PRKCH: variants seen among roughly 807,000 people sequenced by gnomAD.
PRKCH encodes protein kinase C eta type.
In PRKCH, 28 loss-of-function variants were observed where a neutral mutation model predicts 82.5. The observed-to-expected ratio is 0.34, with a 90% CI of 0.25 to 0.47. PRKCH has a LOEUF of 0.47. PRKCH is among the 20% of genes least tolerant of loss of function. The pLI is 1.00. For synonymous variants in PRKCH, 322 were observed against 327.4 expected (o/e 0.98, Z 0.18); for missense variants, 705 against 881.8 (o/e 0.80, Z 2.54).
At chr14:61,229,281 T>A (rs1292135185) in intron 1 of PRKCH, among the ~76,000 whole-genome samples, 5 of 152,110 alleles carry the variant, frequency 3.3e-5, no homozygotes, top group Admixed American at 3.3e-4. Context: ...TCATTGAGGG[T>A]TGGTGGGCAG....
intron 2 of PRKCH, among the ~76,000 whole-genome samples, chr14:61,398,446 T>TA (rs372268308): frequency 1.3e-3 from 201 of 152,344 alleles, no homozygotes; most frequent in African/African-American, 4.4e-3. Context: ...GCTGGATTAT[T>TA]ATGCTACTAA....
At chr14:61,414,588 C>CT (rs1159456993) in intron 2 of PRKCH, among the ~76,000 whole-genome samples, 14,953 of 128,276 alleles carry the variant, frequency 0.12, 954 homozygotes, top group African/African-American at 0.16. Context: ...TTCATTTATT[C>CT]TTTTTTTTTT....
rs3783810 is a variant in PRKCH, at chr14:61,350,971, G to A, written c.363+28507G>A. On this transcript the variant is annotated intron_variant, in intron 1 of 13. Coordinates refer to ENST00000332981, the MANE Select transcript of PRKCH (RefSeq NM_006255.5). Reference sequence around the variant, plus strand: ...CCTCAATCAAGGAAACAAGTAGTTCGGCTGCTTCCTCTTTATGGCATCCTT... The same window carrying A: ...CCTCAATCAAGGAAACAAGTAGTTCAGCTGCTTCCTCTTTATGGCATCCTT... Among the ~76,000 whole-genome samples the A allele has an allele frequency of 4.4e-4, 67 of 152,200 alleles. No homozygotes were observed. The East Asian group carries it at 0.012, about 26-fold the overall frequency.
chr14:61,246,560 T>G (rs10130073), intron 1 of PRKCH, among the ~76,000 whole-genome samples: 6,360 of 152,128 alleles, frequency 0.042, 419 homozygotes, highest in African/African-American at 0.14. Flanking sequence ...CACAGAACCA[T>G]CAGATTATTC....
intron 10 of PRKCH, among the ~76,000 whole-genome samples, chr14:61,525,418 A>G (rs1386843383): frequency 6.6e-6 from 1 of 152,166 alleles, no homozygotes; most frequent in Non-Finnish European, 1.5e-5. Context: ...AATCAGGATT[A>G]AGGTGTCTAA....
intron 1 of PRKCH, among the ~76,000 whole-genome samples, chr14:61,245,950 G>T (rs1017914267): frequency 6.6e-6 from 1 of 152,174 alleles, no homozygotes; most frequent in African/African-American, 2.4e-5. Context: ...AAACATTAGT[G>T]GTCGCTGGTC....
At chr14:61,349,125 A>G (rs994450386) in intron 1 of PRKCH, among the ~76,000 whole-genome samples, 3 of 152,174 alleles carry the variant, frequency 2.0e-5, no homozygotes, top group Admixed American at 6.5e-5. Context: ...TCCAGGGTTC[A>G]TGTGTTTATC....
In PRKCH at chr14:61,539,418, T is replaced by C. The variant is rs561891603; in HGVS notation, c.1762-8325T>C. ...TAGAGGAACAGTATAGGGCATTTAG[T>C]GTACTGAGTTTCATCGAGAGAAAAT... On this transcript the variant is annotated intron_variant, in intron 12 of 13. Coordinates refer to ENST00000332981, the MANE Select transcript of PRKCH (RefSeq NM_006255.5). Among the ~76,000 whole-genome samples, 9 of 152,274 alleles carry C rather than the reference T, an allele frequency of 5.9e-5. No homozygotes were observed. The South Asian group carries it at 1.9e-3, about 32-fold the overall frequency.
At chr14:61,240,078 C>A (rs1183287756) in intron 1 of PRKCH, among the ~76,000 whole-genome samples, 1 of 152,212 alleles carries the variant, frequency 6.6e-6, no homozygotes, top group Non-Finnish European at 1.5e-5. Flanking sequence ...TGCAACACAG[C>A]TACTGCCTCA....
chr14:61,371,303 A>G (rs1413676660), intron 1 of PRKCH, among the ~76,000 whole-genome samples: 2 of 152,058 alleles, frequency 1.3e-5, no homozygotes, highest in Non-Finnish European at 2.9e-5. Context: ...ATGAATCAAT[A>G]ATGATACATT....
chr14:61,443,051 C>T (rs1380921260), intron 2 of PRKCH, 60 bp from the exon 3 acceptor site: 2 of 1,496,518 alleles, frequency 1.3e-6, no homozygotes, highest in Non-Finnish European at 1.8e-6. Context: ...ACTTTCTCAT[C>T]TATTAGGTGC....
chr14:61,526,338 T>C (rs1451421038), intron 10 of PRKCH, among the ~76,000 whole-genome samples: 1 of 152,228 alleles, frequency 6.6e-6, no homozygotes, highest in Non-Finnish European at 1.5e-5. Flanking sequence ...GTACTCAGCA[T>C]GCCTTTGCCT....
intron 10 of PRKCH, among the ~76,000 whole-genome samples, chr14:61,486,658 GTTTTA>G (rs1344089241): frequency 2.0e-5 from 3 of 148,816 alleles, no homozygotes; most frequent in African/African-American, 7.5e-5. Context: ...CTTTTTTATT[GTTTTA>G]TTTCTTTTCT....
chr14:61,256,986 GA>G (rs2045003146), intron 1 of PRKCH, among the ~76,000 whole-genome samples: 1 of 152,186 alleles, frequency 6.6e-6, no homozygotes, highest in Admixed American at 6.5e-5. Context: ...TCTTTATGGA[GA>G]AAATGGTCCA....
At chr14:61,352,744 T>A (rs1325733646) in intron 1 of PRKCH, among the ~76,000 whole-genome samples, 6 of 114,544 alleles carry the variant, frequency 5.2e-5, no homozygotes, top group African/African-American at 6.0e-5. Flanking sequence ...GAAAGAAAGA[T>A]GTCCTAGATA....
intron 1 of PRKCH, among the ~76,000 whole-genome samples, chr14:61,366,324 T>C (rs993680982): frequency 5.3e-5 from 8 of 152,162 alleles, no homozygotes; most frequent in Admixed American, 3.9e-4. Flanking sequence ...TGTAAGACTC[T>C]GAAAAAATTT....
intron 1 of PRKCH, among the ~76,000 whole-genome samples, chr14:61,209,277 C>G (rs1166843744): frequency 1.1e-5 from 1 of 94,914 alleles, no homozygotes; most frequent in Non-Finnish European, 2.2e-5. Flanking sequence ...TCTGTTACAA[C>G]AATACAAAAT....
chr14:61,253,603 T>G (rs935487592), intron 1 of PRKCH, among the ~76,000 whole-genome samples: 1 of 152,200 alleles, frequency 6.6e-6, no homozygotes, highest in Non-Finnish European at 1.5e-5. Context: ...TATGCTCAAG[T>G]TTGCAGTGTC....
At chr14:61,328,292 G>A (rs916269433) in intron 1 of PRKCH, among the ~76,000 whole-genome samples, 2 of 149,514 alleles carry the variant, frequency 1.3e-5, no homozygotes, top group Non-Finnish European at 3.0e-5. Flanking sequence ...GAAAGACTGG[G>A]CCTGACTGCT....
Sources: allele counts gnomAD v4.1 joint callset (sites outside exome capture counted in the v4.1 genomes callset), GRCh38; gene constraint gnomAD v4.1.1; transcripts MANE v1.5; gene names NCBI Gene and HGNC (gene_info 2026-07-23, HGNC 2026-07-21).